The following PARK7 variants were observed in gnomAD, a reference collection of about 807,000 sequenced individuals.
PARK7 encodes the protein Parkinsonism associated deglycase.
In PARK7, 14 loss-of-function variants were observed where a neutral mutation model predicts 20.5. That is an observed-to-expected ratio of 0.68 (90% CI 0.45 to 1.07). The LOEUF is 1.07. Ranked by LOEUF, PARK7 falls within the 50% of genes least tolerant of loss-of-function variation. PARK7 has a pLI of 0.00. For synonymous variants in PARK7, 98 were observed against 84.3 expected (o/e 1.16, Z -0.89); for missense variants, 234 against 238.1 (o/e 0.98, Z 0.11).
chr1:7,981,693 C>T (rs1386937364), intron 6 of PARK7, among the ~76,000 whole-genome samples: 1 of 146,760 alleles, frequency 6.8e-6, no homozygotes, highest in Non-Finnish European at 1.5e-5. Flanking sequence ...GAGTCTCTCT[C>T]TGTCATCCAG....
At chr1:7,981,962 C>G (rs1307073601) in intron 6 of PARK7, among the ~76,000 whole-genome samples, 8 of 144,960 alleles carry the variant, frequency 5.5e-5, no homozygotes, top group Admixed American at 2.1e-4. Flanking sequence ...CCAGCCCCCC[C>G]GCCTTTTTTT....
chr1:7,974,851 T>A (rs977291983), intron 5 of PARK7, among the ~76,000 whole-genome samples: 2 of 68,056 alleles, frequency 2.9e-5, no homozygotes, highest in Non-Finnish European at 4.8e-5. Context: ...AATAAGATTC[T>A]TTTTTTTTTT....
In PARK7 at chr1:7,970,993, C is replaced by T. The variant is rs150997697; in HGVS notation, c.322+30C>T. 1.4e-4 allele frequency: 228 copies of T among 1,611,866 alleles called. No homozygotes were observed. In the African/African-American group the frequency reaches 1.9e-3, roughly 13 times the overall value. On this transcript the variant is annotated intron_variant, in intron 5 of 6. Coordinates refer to ENST00000338639, the MANE Select transcript of PARK7 (RefSeq NM_007262.5). ...CGTGCAGGGGCAGCCTGTGTTGCAG[C>T]GTCATTGGTGGGTGGGGTAGCCTTT...
intron 3 of PARK7, among the ~76,000 whole-genome samples, chr1:7,967,404 T>C (rs1336774520): frequency 6.6e-6 from 1 of 152,236 alleles, no homozygotes; most frequent in Non-Finnish European, 1.5e-5. Context: ...TTCAGTATAC[T>C]GATTTCCTTT....
At position 7,984,350 on chromosome 1, in the gene PARK7, G is replaced by A. The variant is rs1229125843; in HGVS notation, c.410-544G>A. Among the ~76,000 whole-genome samples, 19 of 152,158 alleles carry A rather than the reference G, an allele frequency of 1.2e-4. No individual in the cohort carries two copies. Among genetic ancestry groups the A allele is most frequent in the Non-Finnish European group, 7.3e-5 (5 of 68,036 alleles). ...ATTTGCCAAGAAATAGCCAACCGGC[G>A]GGCCTGGAGGTGCGGGGATGCGGAA... is the stretch of plus-strand genomic sequence containing the variant. On this transcript the variant is annotated intron_variant, in intron 6 of 6. Coordinates refer to ENST00000338639, the MANE Select transcript of PARK7 (RefSeq NM_007262.5). The surrounding 1 kb of genome is among the most constrained non-coding windows in gnomAD (Gnocchi z 4.3).
Position 7,962,764 on chromosome 1 carries a change from C to A in PARK7, c.-22C>A. 3.2e-5 allele frequency: 39 copies of A among 1,234,954 alleles called. No individual in the cohort carries two copies. The highest frequency in any genetic ancestry group is 3.8e-5 in the Non-Finnish European group (33 of 877,616). 76.5% of individuals were successfully genotyped at this position (1,234,954 alleles called of 1,614,324 possible). A position where few individuals can be genotyped will look rare whatever the true frequency, so the allele number is the denominator to read the frequency against. ...TCTTTTTTTTTTTTTTTTTTTAAGG[C>A]TTGTAAACATATAACATAAAAATGG... is the stretch of plus-strand genomic sequence containing the variant. On this transcript the variant is annotated splice_region_variant and 5_prime_UTR_variant, in exon 2 of 7. Transcript: ENST00000338639.
intron 3 of PARK7, among the ~76,000 whole-genome samples, chr1:7,968,474 GA>G (rs1360740217): frequency 6.6e-6 from 1 of 151,874 alleles, no homozygotes; most frequent in African/African-American, 2.4e-5. Flanking sequence ...ATAAAGTTAA[GA>G]AAAATTTTTT....
chr1:7,962,795 A>C lies in PARK7; in HGVS notation c.10A>C (p.Lys4Gln). ...AACATATAACATAAAAATGGCTTCC[A>C]AAAGAGCTCTGGTCATCCTGGCTAA... MAS[K>Q]RALVILAKGA... is the part of the protein sequence containing the mutation. The change falls in exon 2 of 7, where the codon AAA (lysine) becomes CAA (glutamine). Residue 4 changes from lysine to glutamine, a missense_variant. By Grantham distance (53) the Lys-to-Gln change is moderately conservative (BLOSUM62 1). Coordinates refer to ENST00000338639, the MANE Select transcript of PARK7 (RefSeq NM_007262.5). 1 of 1,611,620 alleles carries C rather than the reference A, an allele frequency of 6.2e-7. No individual in the cohort carries two copies. Among genetic ancestry groups the C allele is most frequent in the Non-Finnish European group, 8.5e-7 (1 of 1,178,816 alleles).
chr1:7,979,987 G>A (rs940483366), intron 6 of PARK7, among the ~76,000 whole-genome samples: 17 of 151,952 alleles, frequency 1.1e-4, no homozygotes, highest in African/African-American at 4.1e-4. Context: ...GTGAAACCCC[G>A]TCTCTACTAA....
intron 2 of PARK7, among the ~76,000 whole-genome samples, chr1:7,964,195 G>C (rs1378576050): frequency 6.6e-6 from 1 of 152,154 alleles, no homozygotes; most frequent in Non-Finnish European, 1.5e-5. Context: ...TAAAAATAGT[G>C]AACAGTGAAG....
At position 7,984,720 on chromosome 1, in the gene PARK7, T is replaced by TA. The variant is rs1335886511; in HGVS notation, c.410-169dup. ...TGTCACCCTTTGCTCTGCACAGTTT[T>TA]AAAAATACCTTTGTAGGGGGCTTCT... On this transcript the variant is annotated intron_variant, in intron 6 of 6. Transcript: ENST00000338639. This position sits in a 1 kb window ranked among gnomAD's most constrained non-coding sequence, Gnocchi z 4.3. 1 of 735,340 alleles carries TA rather than the reference T, an allele frequency of 1.4e-6. No homozygotes were observed. The highest frequency in any genetic ancestry group is 1.8e-5 in the African/African-American group (1 of 56,918). 45.6% of individuals were successfully genotyped at this position (735,340 alleles called of 1,614,324 possible).
intron 6 of PARK7, among the ~76,000 whole-genome samples, chr1:7,979,272 C>T (rs1640660943): frequency 1.3e-5 from 2 of 152,106 alleles, no homozygotes; most frequent in African/African-American, 2.4e-5. Context: ...TTTAGGTTCA[C>T]AGCCAAATTC....
intron 3 of PARK7, among the ~76,000 whole-genome samples, chr1:7,967,604 G>T (rs1297412598): frequency 6.6e-6 from 1 of 152,056 alleles, no homozygotes; most frequent in Non-Finnish European, 1.5e-5. Flanking sequence ...TTGAATCAAC[G>T]GTAGGATGTT....
chr1:7,967,315 C>T (rs1640350667), intron 3 of PARK7, among the ~76,000 whole-genome samples: 1 of 152,076 alleles, frequency 6.6e-6, no homozygotes, highest in Non-Finnish European at 1.5e-5. Context: ...ATGCATTCAT[C>T]TGTTGTTGGA....
chr1:7,982,299 T>C (rs1640728805), intron 6 of PARK7, among the ~76,000 whole-genome samples: 1 of 152,108 alleles, frequency 6.6e-6, no homozygotes, highest in Non-Finnish European at 1.5e-5. Flanking sequence ...CCATTGCTTT[T>C]TCTCTGAAGA....
rs1640783415 is a variant in PARK7 at position 7,984,750 on chromosome 1, G to A, written c.410-144G>A. 1 of 973,896 alleles carries A rather than the reference G, an allele frequency of 1.0e-6. No homozygotes were observed. Among genetic ancestry groups the A allele is most frequent in the Admixed American group, 1.9e-5 (1 of 51,506 alleles). 60.3% of individuals were successfully genotyped at this position (973,896 alleles called of 1,614,324 possible). On this transcript the variant is annotated intron_variant, in intron 6 of 6. Transcript: ENST00000338639. The surrounding 1 kb of genome is among the most constrained non-coding windows in gnomAD (Gnocchi z 4.3). The stretch of plus-strand genomic sequence containing the variant: ...ATACCTTTGTAGGGGGCTTCTAAGA[G>A]CTTGGAGTGCCTAGTAAATGTTTTT...
chr1:7,979,634 G>A (rs1640668832), intron 6 of PARK7, among the ~76,000 whole-genome samples: 1 of 152,078 alleles, frequency 6.6e-6, no homozygotes, highest in Non-Finnish European at 1.5e-5. Flanking sequence ...CCGAGTAGCT[G>A]GAACTATGGG....
At position 7,984,167 on chromosome 1, in the gene PARK7, G is replaced by T. The variant is rs543222790; in HGVS notation, c.410-727G>T. On this transcript the variant is annotated intron_variant, in intron 6 of 6. Coordinates refer to ENST00000338639, the MANE Select transcript of PARK7 (RefSeq NM_007262.5). The surrounding 1 kb of genome is among the most constrained non-coding windows in gnomAD (Gnocchi z 4.3). ...CTCTTCCTGGAGCAGGAGAGAACGT[G>T]TTGTATACAGTAAGGGAAGCTCCAG... Among the ~76,000 whole-genome samples the T allele has an allele frequency of 5.9e-5, 9 of 152,068 alleles. No homozygotes were observed. Among genetic ancestry groups the T allele is most frequent in the Non-Finnish European group, 1.2e-4 (8 of 68,014 alleles).
chr1:7,969,439 C>A, intron 4 of PARK7, 35 bp downstream of exon 4: 2 of 1,337,842 alleles, frequency 1.5e-6, no homozygotes, highest in Non-Finnish European at 1.1e-6. Context: ...CTCAATAAAG[C>A]TGGGGGGGGG....
Sources: gnomAD v4.1 joint callset for allele counts (sites outside exome capture counted in the v4.1 genomes callset) on GRCh38, gnomAD v4.1.1 for gene constraint, Gnocchi (gnomAD v3.1) non-coding constraint, MANE v1.5 for transcripts, NCBI Gene and HGNC (gene_info 2026-07-23, HGNC 2026-07-21) for gene names.